Variants in SLC66A1 observed in about 807,000 individuals in gnomAD.
SLC66A1 encodes lysosomal amino acid transporter 1 homolog.
A neutral mutation model predicts 33.0 loss-of-function variants in SLC66A1; 23 were observed. The observed-to-expected ratio is 0.70, with a 90% confidence interval of 0.50 to 0.99. The LOEUF (loss-of-function observed/expected upper bound fraction) is 0.99. Ranked by LOEUF, SLC66A1 falls within the 50% of genes least tolerant of loss-of-function variation. The pLI, the probability that SLC66A1 is intolerant of heterozygous loss-of-function variation, is 0.00. For missense variants in SLC66A1, 335 were observed against 383.6 expected (o/e 0.87, Z 1.06); for synonymous variants, 164 against 175.5 (o/e 0.93, Z 0.52).
At chr1:19,320,618 T>C (rs529072214) in intron 2 of SLC66A1, among the ~76,000 whole-genome samples, 114 of 152,010 alleles carry the variant, frequency 7.5e-4, no homozygotes, top group African/African-American at 2.4e-3. Context: ...GGTTTCACCG[T>C]GTTAGCCAGG....
At chr1:19,319,588 T>C (rs1022063214) in intron 2 of SLC66A1, among the ~76,000 whole-genome samples, 1 of 150,792 alleles carries the variant, frequency 6.6e-6, no homozygotes, top group African/African-American at 2.4e-5. Flanking sequence ...ATGATTAATG[T>C]TGCTGTGCAC....
Position 19,327,298 on chromosome 1 carries a change from T to C in SLC66A1, c.690T>C (p.Tyr230=). 1 of 1,613,778 alleles carries C rather than the reference T, an allele frequency of 6.2e-7. No homozygotes were observed. Among genetic ancestry groups the C allele is most frequent in the Non-Finnish European group, 8.5e-7 (1 of 1,179,874 alleles). Residue 230 remains tyrosine, a synonymous_variant, in exon 7 of 8, where the codon TAT becomes TAC. Coordinates refer to ENST00000375153, the MANE Select transcript of SLC66A1 (RefSeq NM_001040125.2). ...FALVMLGNTL[Y]GLSVLLKNPE... ...TGGTGATGCTGGGGAACACGCTGTA[T>C]GGGCTGAGCGTGCTGCTCAAAAACC...
At chr1:19,331,494 G>A (rs1359117293), downstream of SLC66A1, among the ~76,000 whole-genome samples, 1 of 152,148 alleles carries the variant, frequency 6.6e-6, no homozygotes. Context: ...CATGGCTTGT[G>A]GCAGTTCAGC....
chr1:19,322,490 GATA>G (rs2093842729), intron 2 of SLC66A1, among the ~76,000 whole-genome samples: 1 of 152,168 alleles, frequency 6.6e-6, no homozygotes, highest in African/African-American at 2.4e-5. Flanking sequence ...TACTGTAAGG[GATA>G]AACCTTGATT....
At chr1:19,329,968 A>G (rs1213517582), downstream of SLC66A1, among the ~76,000 whole-genome samples, 5 of 151,942 alleles carry the variant, frequency 3.3e-5, no homozygotes, top group African/African-American at 1.2e-4. Flanking sequence ...CCGCAAACTC[A>G]GTGTTGTCCA....
chr1:19,325,695 C>G, intron 4 of SLC66A1, 113 bp downstream of exon 4: 1 of 919,454 alleles, frequency 1.1e-6, no homozygotes, highest in East Asian at 2.6e-5. Flanking sequence ...GGGTGATAAC[C>G]CAAACCTCGG....
Position 19,328,516 on chromosome 1 carries a change from A to G in SLC66A1, c.805-56A>G, listed in dbSNP as rs1014583285. 1 of 1,526,004 alleles carries G rather than the reference A, an allele frequency of 6.6e-7. No homozygotes were observed. Among genetic ancestry groups the G allele is most frequent in the Middle Eastern group, 1.7e-4 (1 of 5,946 alleles). 94.5% of individuals were successfully genotyped at this position (1,526,004 alleles called of 1,614,324 possible). ...CAGCTCCCAGGAGTCGAAGGCCCCC[A>G]GGGGCAGGTCCAACCCAGTCTCTGC... On this transcript the variant is annotated intron_variant, in intron 7 of 7. Coordinates refer to ENST00000375153, the MANE Select transcript of SLC66A1 (RefSeq NM_001040125.2). This position sits in a 1 kb window ranked among gnomAD's most constrained non-coding sequence, Gnocchi z 4.7.
At chr1:19,323,556 G>A (rs749294737) in intron 2 of SLC66A1, among the ~76,000 whole-genome samples, 5 of 152,086 alleles carry the variant, frequency 3.3e-5, no homozygotes, top group African/African-American at 4.8e-5. Flanking sequence ...ACAGGCGTGC[G>A]CCACCATGCC....
chr1:19,328,022 C>T lies in SLC66A1; in HGVS notation c.805-550C>T. ...CCGTGTCTTCACCTCAGTTAACAGC[C>T]ACTGTCTCGTCAGGATGTTGTGTAA... On this transcript the variant is annotated intron_variant, in intron 7 of 7. Coordinates refer to ENST00000375153, the MANE Select transcript of SLC66A1 (RefSeq NM_001040125.2). The surrounding 1 kb of genome is among the most constrained non-coding windows in gnomAD (Gnocchi z 4.7). 1 of 244,574 alleles carries T rather than the reference C, an allele frequency of 4.1e-6. No homozygotes were observed. Among genetic ancestry groups the T allele is most frequent in the South Asian group, 4.8e-5 (1 of 20,728 alleles). The allele number at this position is 244,574 out of a possible 1,614,324, so 15.2% of individuals were successfully genotyped here. A position where few individuals can be genotyped will look rare whatever the true frequency, so the allele number is the denominator to read the frequency against.
intron 4 of SLC66A1, 146 bp downstream of exon 4, chr1:19,325,728 T>A: frequency 1.4e-6 from 1 of 719,450 alleles, no homozygotes; most frequent in Non-Finnish European, 2.3e-6. Flanking sequence ...GGGCCTTATC[T>A]AAGAGCCTGA....
At chr1:19,317,907 T>C (rs2093814380) in intron 2 of SLC66A1, 66 bp downstream of exon 2, 9 of 1,566,360 alleles carry the variant, frequency 5.7e-6, no homozygotes, top group Non-Finnish European at 7.8e-6. Flanking sequence ...CTCCAGCTAC[T>C]GCTCAGCGAG....
At chr1:19,331,102 C>T (rs45624333), downstream of SLC66A1, among the ~76,000 whole-genome samples, 6,389 of 152,284 alleles carry the variant, frequency 0.042, 446 homozygotes, top group African/African-American at 0.14. Context: ...ACCTCCGCCT[C>T]CCGGGTTCGA....
At chr1:19,331,345 G>A (rs2093892026), downstream of SLC66A1, among the ~76,000 whole-genome samples, 1 of 152,080 alleles carries the variant, frequency 6.6e-6, no homozygotes, top group South Asian at 2.1e-4. Flanking sequence ...TTTACAGATG[G>A]GAGAACAGTC....
chr1:19,325,716 C>A, intron 4 of SLC66A1, 134 bp downstream of exon 4: 1 of 767,612 alleles, frequency 1.3e-6, no homozygotes, highest in Non-Finnish European at 2.1e-6. Flanking sequence ...AAAGCCTTCC[C>A]CGGGCCTTAT....
chr1:19,319,903 C>T (rs2093825813), intron 2 of SLC66A1, among the ~76,000 whole-genome samples: 1 of 149,392 alleles, frequency 6.7e-6, no homozygotes, highest in South Asian at 2.2e-4. Flanking sequence ...GTCTCCGTCT[C>T]TTTTCTTTTT....
chr1:19,318,348 G>A (rs185593464), intron 2 of SLC66A1, among the ~76,000 whole-genome samples: 131 of 152,284 alleles, frequency 8.6e-4, no homozygotes, highest in African/African-American at 2.8e-3. Context: ...TTGTGTGGCC[G>A]CTGCCATGAT....
chr1:19,313,338 C>T (rs887627404), intron 1 of SLC66A1: 5 of 750,614 alleles, frequency 6.7e-6, no homozygotes, highest in African/African-American at 1.9e-5. Flanking sequence ...TCACCCGTTT[C>T]CTCTCTTCTT....
chr1:19,317,783 G>A lies in SLC66A1; in HGVS notation c.106G>A (p.Glu36Lys), dbSNP rs546350739. ...LGECAQDGWD[E>K]ASVGLGLISI... Reference sequence around the variant, plus strand: ...TGAATGTGCCCAGGACGGCTGGGACGAGGCCAGCGTGGGCCTGGGCTTGAT... The same window carrying A: ...TGAATGTGCCCAGGACGGCTGGGACAAGGCCAGCGTGGGCCTGGGCTTGAT... Residue 36 changes from glutamate to lysine, a missense_variant, in exon 2 of 8, where the codon GAG becomes AAG. Glu to Lys is a moderately conservative substitution (Grantham distance 56). Transcript: ENST00000375153. 5.3e-5 allele frequency: 86 copies of A among 1,614,064 alleles called. No individual in the cohort carries two copies. Among genetic ancestry groups the A allele is most frequent in the African/African-American group, 4.9e-4 (37 of 74,930 alleles).
At chr1:19,327,556 CATCTGTTCACCCAGTCGTG>C (rs2093875704) in intron 7 of SLC66A1, 144 bp downstream of exon 7, 3 of 1,052,306 alleles carry the variant, frequency 2.9e-6, no homozygotes, top group South Asian at 2.7e-5. Context: ...TCCCTCCCTC[CATCTGTTCACCCAGTCGTG>C]CACACCTCCT....
Sources: allele counts gnomAD v4.1 joint callset (sites outside exome capture counted in the v4.1 genomes callset), GRCh38; gene constraint gnomAD v4.1.1; non-coding constraint Gnocchi (gnomAD v3.1); transcripts MANE v1.5; gene names NCBI Gene and HGNC (gene_info 2026-07-23, HGNC 2026-07-21).